The following VPS13C variants were observed in gnomAD, a reference collection of about 807,000 sequenced individuals.
VPS13C encodes the protein vacuolar protein sorting 13 homolog C.
A neutral mutation model predicts 456.8 loss-of-function variants in VPS13C; 358 were observed. The observed-to-expected ratio is 0.78, with a 90% CI of 0.72 to 0.86. VPS13C has a LOEUF of 0.86. Among genes scored for constraint, VPS13C ranks in the 40% least tolerant of loss-of-function variants. VPS13C has a pLI of 0.00. For synonymous variants in VPS13C, 1,578 were observed against 1,486.7 expected, an observed-to-expected ratio of 1.06 and a Z score of -1.41; for missense variants, 4,818 against 4,385.4, an observed-to-expected ratio of 1.10 and a Z score of -2.79.
intron 51 of VPS13C, among the ~76,000 whole-genome samples, chr15:61,927,575 T>C (rs1364879830): frequency 1.3e-5 from 2 of 152,156 alleles, no homozygotes; most frequent in Admixed American, 1.3e-4. Context: ...AATCCTGTTT[T>C]ACACTTTTAC....
At chr15:61,942,541 A>C (rs2044465050) in intron 45 of VPS13C, among the ~76,000 whole-genome samples, 1 of 149,244 alleles carries the variant, frequency 6.7e-6, no homozygotes, top group Admixed American at 6.6e-5. Context: ...ATTTCTGATA[A>C]GGCTTTTTTT....
At chr15:61,994,351 G>T (rs2046312481) in intron 16 of VPS13C, among the ~76,000 whole-genome samples, 2 of 152,132 alleles carry the variant, frequency 1.3e-5, no homozygotes, top group South Asian at 2.1e-4. Context: ...TTATCCTCCG[G>T]TGATTCATTC....
At chr15:61,931,831 C>T (rs1238080458) in intron 49 of VPS13C, among the ~76,000 whole-genome samples, 2 of 151,992 alleles carry the variant, frequency 1.3e-5, no homozygotes, top group Admixed American at 6.6e-5. Context: ...CCGCCCACCT[C>T]GGCCTCCCAA....
Position 61,947,062 on chromosome 15 carries a change from T to C in VPS13C, c.4876+131A>G, listed in dbSNP as rs76207153. 1.2e-3 allele frequency: 723 copies of C among 589,000 alleles called. 5 individuals are homozygous for C. Among genetic ancestry groups the C allele is most frequent in the African/African-American group, 0.012 (633 of 51,814 alleles). The allele number at this position is 589,000 out of a possible 1,614,324, so 36.5% of individuals were successfully genotyped here. ...ACTTGTAACATTTTAAAGCACATCTTTGAAAAGTTTGCAAAGTCTTCAATA... is the reference window on the plus strand; with the variant it reads ...ACTTGTAACATTTTAAAGCACATCTCTGAAAAGTTTGCAAAGTCTTCAATA... On this transcript the variant is annotated intron_variant, in intron 43 of 84. Transcript: ENST00000644861.
rs1404417960 is a variant in VPS13C, at chr15:61,890,257, A to G, written c.9249T>C (p.Ala3083=). The stretch of plus-strand genomic sequence containing the variant: ...GGAGAGACAAGGTTATTTCATAATC[A>G]GCCTGTTCCATTTCTTCTGCCTGCA... The part of the protein sequence containing the change: ...KALQAEEMEQ[A]DYEITLSLHS... The change falls in exon 67 of 85, where the codon GCT becomes GCC. Residue 3083 remains alanine, a synonymous_variant. Transcript: ENST00000644861. 1.2e-6 allele frequency: 2 copies of G among 1,614,026 alleles called. No individual in the cohort carries two copies. Among genetic ancestry groups the G allele is most frequent in the African/African-American group, 2.7e-5 (2 of 74,916 alleles).
rs148365119 is a variant in VPS13C, at chr15:61,940,342, G to A, written c.5601+305C>T. Among the ~76,000 whole-genome samples, 91 of 152,274 alleles carry A rather than the reference G, an allele frequency of 6.0e-4. 1 individual carries two copies. The East Asian group carries it at 0.013, about 21-fold the overall frequency. On this transcript the variant is annotated intron_variant, in intron 47 of 84. Transcript: ENST00000644861. ...CAGATTTTATCTCAGACTCCTTGCT[G>A]GTTTTACCAAATATCTAACTAAAAT...
At chr15:61,896,449 G>A (rs2042816500) in intron 66 of VPS13C, among the ~76,000 whole-genome samples, 2 of 152,334 alleles carry the variant, frequency 1.3e-5, no homozygotes, top group South Asian at 4.1e-4. Context: ...GAAGCGCAAG[G>A]GGTCAGGGAG....
intron 21 of VPS13C, 67 bp from the exon 22 acceptor site, chr15:61,981,545 A>T (rs1292596165): frequency 6.9e-7 from 1 of 1,459,106 alleles, no homozygotes; most frequent in African/African-American, 1.4e-5. Flanking sequence ...ATTATTAACA[A>T]CTAGAATAAG....
At chr15:62,060,159 C>T (rs976411721) in intron 1 of VPS13C, 116 bp downstream of exon 1, 3 of 486,646 alleles carry the variant, frequency 6.2e-6, no homozygotes, top group African/African-American at 2.1e-5. Flanking sequence ...CCTGCCGCAC[C>T]GGGATGGGGA....
chr15:62,000,491 A>G (rs1400419993), intron 16 of VPS13C, 73 bp downstream of exon 16: 2 of 1,417,950 alleles, frequency 1.4e-6, no homozygotes, highest in Non-Finnish European at 1.9e-6. Flanking sequence ...TGAAACTTCA[A>G]TTTCTTGATC....
chr15:61,854,952 T>C lies in VPS13C; in HGVS notation c.11079A>G (p.Glu3693=). 1 of 1,590,148 alleles carries C rather than the reference T, an allele frequency of 6.3e-7. No individual in the cohort carries two copies. Among genetic ancestry groups the C allele is most frequent in the East Asian group, 2.2e-5 (1 of 44,680 alleles). Residue 3693 remains glutamate (E), a splice_region_variant and synonymous_variant, in exon 84 of 85, where the codon GAA becomes GAG. Coordinates refer to ENST00000644861, the MANE Select transcript of VPS13C (RefSeq NM_020821.3). ...TGTCTTTTTTGTGGAACAGACCCTG[T>C]TCCTGTTTCAAAAGAAACAATGACA... ...SENVLKISVK[E]QGLFHKKDSA...
intron 66 of VPS13C, among the ~76,000 whole-genome samples, chr15:61,899,984 G>A (rs1246983917): frequency 6.6e-6 from 1 of 152,050 alleles, no homozygotes; most frequent in Non-Finnish European, 1.5e-5. Flanking sequence ...ATGTAATCCA[G>A]CATATAAACA....
intron 24 of VPS13C, among the ~76,000 whole-genome samples, chr15:61,975,184 G>A (rs995034394): frequency 6.6e-6 from 1 of 151,970 alleles, no homozygotes; most frequent in Admixed American, 6.6e-5. Context: ...AAAAACTAAG[G>A]TCTCAAATCA....
Position 62,010,582 on chromosome 15 carries a change from C to T in VPS13C, c.901G>A (p.Ala301Thr), listed in dbSNP as rs1371065317. The T allele has an allele frequency of 1.4e-5, 22 of 1,610,284 alleles. 1 individual carries two copies. Among genetic ancestry groups the T allele is most frequent in the Non-Finnish European group, 1.8e-5 (21 of 1,178,596 alleles). The change falls in exon 13 of 85, where the codon GCC becomes ACC. Residue 301 changes from alanine (A) to threonine (T), a missense_variant. Physicochemically the swap from Ala to Thr is moderately conservative, Grantham distance 58. Transcript: ENST00000644861. ...GGATTCATGTAGAGTTTTGCAGAGG[C>T]TGATATTGGCTGGAAAACTTACATC... is the stretch of plus-strand genomic sequence containing the variant. ...NYQYIFQPISASAKLYMNPYA... is the reference protein window; with the variant it reads ...NYQYIFQPISTSAKLYMNPYA...
chr15:61,985,047 T>C (rs746497441), intron 18 of VPS13C, 48 bp from the exon 19 acceptor site: 24 of 1,267,422 alleles, frequency 1.9e-5, no homozygotes, highest in Admixed American at 2.8e-5. Context: ...AAATAATTAT[T>C]ACTTTCTTTA....
chr15:62,054,933 T>C (rs1456454742), intron 1 of VPS13C, among the ~76,000 whole-genome samples: 1 of 152,212 alleles, frequency 6.6e-6, no homozygotes, highest in African/African-American at 2.4e-5. Context: ...ACACTGAAAG[T>C]TGTATATCCA....
intron 40 of VPS13C, 59 bp downstream of exon 40, chr15:61,950,886 A>G: frequency 1.5e-6 from 1 of 681,790 alleles, no homozygotes. Flanking sequence ...ATTAAATATA[A>G]GGGTAATATA....
chr15:62,014,046 G>A lies in VPS13C; in HGVS notation c.685-54C>T, dbSNP rs183946104. ...ACGTGGTATGGATGTCATTAATAGC[G>A]CTCTAATACTTACATAATGTAACAA... On this transcript the variant is annotated intron_variant, in intron 9 of 84. Transcript: ENST00000644861. 3,855 of 1,311,292 alleles carry A rather than the reference G, an allele frequency of 2.9e-3. 13 individuals carry two copies. The highest frequency in any genetic ancestry group is 3.6e-3 in the Non-Finnish European group (3,381 of 928,248). 81.2% of individuals were successfully genotyped at this position (1,311,292 alleles called of 1,614,324 possible). A position where few individuals can be genotyped will look rare whatever the true frequency, so the allele number is the denominator to read the frequency against.
At chr15:61,911,759 A>C in intron 63 of VPS13C, 81 bp downstream of exon 63, 7 of 1,198,788 alleles carry the variant, frequency 5.8e-6, no homozygotes. Flanking sequence ...AGTCTGAAAA[A>C]GAGGTATATA....
Sources: gnomAD v4.1 joint callset for allele counts (sites outside exome capture counted in the v4.1 genomes callset) on GRCh38, gnomAD v4.1.1 for gene constraint, MANE v1.5 for transcripts, NCBI Gene and HGNC (gene_info 2026-07-23, HGNC 2026-07-21) for gene names.